Variants in ZFP91 observed in about 807,000 individuals in gnomAD.
ZFP91 encodes ZFP91 zinc finger protein, atypical E3 ubiquitin ligase, also known as E3 ubiquitin-protein ligase ZFP91.
In ZFP91, 7 loss-of-function variants were observed where a neutral mutation model predicts 63.5. That is an observed-to-expected ratio of 0.11 (90% CI 0.06 to 0.21). The LOEUF (loss-of-function observed/expected upper bound fraction) is 0.21. ZFP91 is among the 10% of genes least tolerant of loss of function. ZFP91 has a pLI of 1.00. For missense variants in ZFP91, 628 were observed against 736.6 expected (o/e 0.85, Z 1.71); for synonymous variants, 330 against 272.1 (o/e 1.21, Z -2.10).
intron 7 of ZFP91, 167 bp downstream of exon 7, chr11:58,612,495 G>C: frequency 1.5e-6 from 1 of 680,200 alleles, no homozygotes; most frequent in Non-Finnish European, 2.5e-6. Context: ...TATTTTCATT[G>C]TAAGAGCTTG....
chr11:58,596,216 T>G (rs578050946), intron 2 of ZFP91, among the ~76,000 whole-genome samples: 1 of 152,178 alleles, frequency 6.6e-6, no homozygotes. Flanking sequence ...TGGATCGTTA[T>G]AAGGTCTTTG....
chr11:58,595,200 G>A (rs1461572764), intron 2 of ZFP91, among the ~76,000 whole-genome samples: 1 of 151,970 alleles, frequency 6.6e-6, no homozygotes, highest in Non-Finnish European at 1.5e-5. Context: ...TACTTGATAG[G>A]GTTATAACTG....
intron 1 of ZFP91, among the ~76,000 whole-genome samples, chr11:58,580,797 CAT>C (rs1291976861): frequency 1.3e-5 from 2 of 152,162 alleles, no homozygotes; most frequent in Non-Finnish European, 2.9e-5. Context: ...GCTAAGTTAA[CAT>C]AATTTAGAGA....
chr11:58,587,260 G>C (rs1451004812), intron 2 of ZFP91, among the ~76,000 whole-genome samples: 2 of 152,122 alleles, frequency 1.3e-5, no homozygotes, highest in Non-Finnish European at 2.9e-5. Context: ...TCATTCAACA[G>C]GTAATTGTTG....
At position 58,579,468 on chromosome 11, in the gene ZFP91, G is replaced by A. The variant is rs1304862655; in HGVS notation, c.187G>A (p.Ala63Thr). ...GRDRGRAAAA[A>T]AAAAVSRRRK... The stretch of plus-strand genomic sequence containing the variant: ...GGACCGAGGCCGGGCCGCTGCGGCC[G>A]CCGCCGCCGCAGCTGTGTCCCGCCG... The change falls in exon 1 of 11, where the codon GCC (alanine) becomes ACC (threonine). Residue 63 changes from alanine (A) to threonine (T), a missense_variant. Ala to Thr is a moderately conservative substitution (Grantham distance 58). This residue lies in a region of ZFP91 where 437 missense variants were observed against 380.3 expected (regional missense o/e 1.15). Transcript: ENST00000316059. 4.1e-6 allele frequency: 6 copies of A among 1,453,456 alleles called. No homozygotes were observed. The highest frequency in any genetic ancestry group is 1.5e-5 in the African/African-American group (1 of 66,862). 90.0% of individuals were successfully genotyped at this position (1,453,456 alleles called of 1,614,324 possible).
intron 9 of ZFP91, among the ~76,000 whole-genome samples, chr11:58,614,735 T>G (rs1855723064): frequency 1.3e-5 from 2 of 152,294 alleles, no homozygotes; most frequent in East Asian, 1.9e-4. Flanking sequence ...CATGGTCACA[T>G]AGCTAGTTTT....
At chr11:58,585,832 A>G (rs927014165) in intron 2 of ZFP91, among the ~76,000 whole-genome samples, 4 of 152,208 alleles carry the variant, frequency 2.6e-5, no homozygotes, top group African/African-American at 9.6e-5. Context: ...TTTGTGCCAT[A>G]TGGAAGAATG....
chr11:58,612,542 G>T (rs888057679), intron 7 of ZFP91: 15 of 620,982 alleles, frequency 2.4e-5, no homozygotes, highest in Middle Eastern at 4.3e-4. Context: ...CCTTTGGGGG[G>T]TCATTAGTTT....
At chr11:58,602,814 G>C (rs974298154) in intron 2 of ZFP91, among the ~76,000 whole-genome samples, 8 of 152,086 alleles carry the variant, frequency 5.3e-5, no homozygotes, top group African/African-American at 1.9e-4. Flanking sequence ...ATTGGGTAAT[G>C]GATATTGGCT....
rs976760848 is a variant in ZFP91 at position 58,582,686 on chromosome 11, G to C, written c.342-2170G>C. The stretch of plus-strand genomic sequence containing the variant: ...CTGTGCAGTAAGTGGCCTTGAGCAA[G>C]TCACTTAACCTCTTCATTTATAATT... On this transcript the variant is annotated intron_variant, in intron 1 of 10. Coordinates refer to ENST00000316059, the MANE Select transcript of ZFP91 (RefSeq NM_053023.5). 2.0e-5 allele frequency among the ~76,000 whole-genome samples: 3 copies of C among 152,166 alleles called. No individual in the cohort carries two copies. The South Asian group carries it at 6.2e-4, about 31-fold the overall frequency.
At position 58,617,801 on chromosome 11, in the gene ZFP91, A is replaced by G; in HGVS notation, c.*95A>G. 2 of 1,424,992 alleles carry G rather than the reference A, an allele frequency of 1.4e-6. No individual in the cohort carries two copies. Among genetic ancestry groups the G allele is most frequent in the South Asian group, 3.4e-5 (2 of 58,260 alleles). The allele number at this position is 1,424,992 out of a possible 1,614,324, so 88.3% of individuals were successfully genotyped here. ...AATCTAAAGCATTTAAAATCTAGTGAAATAACTGAAGGGCCTGCTCTTTCC... is the reference window on the plus strand; with the variant it reads ...AATCTAAAGCATTTAAAATCTAGTGGAATAACTGAAGGGCCTGCTCTTTCC... On this transcript the variant is annotated 3_prime_UTR_variant, in exon 11 of 11. Coordinates refer to ENST00000316059, the MANE Select transcript of ZFP91 (RefSeq NM_053023.5). The surrounding 1 kb of genome is among the most constrained non-coding windows in gnomAD (Gnocchi z 4.2).
intron 1 of ZFP91, among the ~76,000 whole-genome samples, chr11:58,580,460 A>G (rs530762592): frequency 2.5e-4 from 38 of 152,194 alleles, no homozygotes; most frequent in African/African-American, 9.1e-4. Context: ...TAAATTCTAG[A>G]AATTAATCAC....
At chr11:58,582,007 A>G (rs745909819) in intron 1 of ZFP91, among the ~76,000 whole-genome samples, 1 of 152,216 alleles carries the variant, frequency 6.6e-6, no homozygotes, top group Non-Finnish European at 1.5e-5. Context: ...AATTTTCGTC[A>G]TAATAGAGTT....
intron 2 of ZFP91, among the ~76,000 whole-genome samples, chr11:58,603,422 C>A (rs553970242): frequency 3.9e-5 from 6 of 152,148 alleles, no homozygotes; most frequent in South Asian, 4.1e-4. Context: ...ACTTGTGGAT[C>A]GAATCAGCCA....
At chr11:58,592,245 G>A (rs1021987498) in intron 2 of ZFP91, among the ~76,000 whole-genome samples, 4 of 151,736 alleles carry the variant, frequency 2.6e-5, no homozygotes, top group Non-Finnish European at 5.9e-5. Context: ...CACCACATCT[G>A]CCTAATTTTT....
At chr11:58,585,154 C>G (rs1195698123) in intron 2 of ZFP91, among the ~76,000 whole-genome samples, 2 of 152,028 alleles carry the variant, frequency 1.3e-5, no homozygotes, top group African/African-American at 2.4e-5. Context: ...AGGTAACAGA[C>G]TGGAATGATA....
intron 2 of ZFP91, among the ~76,000 whole-genome samples, chr11:58,585,087 A>G (rs531346109): frequency 2.6e-5 from 4 of 152,320 alleles, no homozygotes; most frequent in African/African-American, 9.6e-5. Context: ...ATAAAGGCAA[A>G]TCAGATTGTT....
intron 2 of ZFP91, among the ~76,000 whole-genome samples, chr11:58,586,046 T>C (rs184347231): frequency 6.1e-4 from 93 of 152,234 alleles, no homozygotes; most frequent in Non-Finnish European, 1.2e-3. Flanking sequence ...CTAGCAAGTT[T>C]TTTGTTCCTG....
intron 2 of ZFP91, among the ~76,000 whole-genome samples, chr11:58,609,001 T>G (rs561340062): frequency 6.6e-6 from 1 of 152,310 alleles, no homozygotes; most frequent in East Asian, 1.9e-4. Flanking sequence ...GACCTGAAAT[T>G]TTGTTTTATT....
Sources: gnomAD v4.1 joint callset for allele counts (sites outside exome capture counted in the v4.1 genomes callset) on GRCh38, gnomAD v4.1.1 for gene constraint, gnomAD v4.1.1 regional missense constraint, Gnocchi (gnomAD v3.1) non-coding constraint, MANE v1.5 for transcripts, NCBI Gene and HGNC (gene_info 2026-07-23, HGNC 2026-07-21) for gene names.